Variants in BMP3 observed in about 807,000 individuals in gnomAD.
BMP3 encodes the protein bone morphogenetic protein 3, also known as bone morphogenetic protein 3 (osteogenic).
In BMP3, 23 loss-of-function variants were observed where a neutral mutation model predicts 38.1. The observed-to-expected ratio is 0.60, with a 90% CI of 0.43 to 0.86. The LOEUF (loss-of-function observed/expected upper bound fraction) is 0.86, where lower values mean the gene tolerates loss of function less well. Among genes scored for constraint, BMP3 ranks in the 40% least tolerant of loss-of-function variants. The pLI is 0.00. For synonymous variants in BMP3, 258 were observed against 225.7 expected, an observed-to-expected ratio of 1.14 and a Z score of -1.28; for missense variants, 628 against 579.6, an observed-to-expected ratio of 1.08 and a Z score of -0.86.
At chr4:81,049,938 C>G (rs370083406) in intron 2 of BMP3, among the ~76,000 whole-genome samples, 4 of 152,132 alleles carry the variant, frequency 2.6e-5, no homozygotes, top group Non-Finnish European at 4.4e-5. Context: ...CTTTGTTGGC[C>G]CTCCTTTCTT....
Position 81,045,753 on chromosome 4 carries a change from A to C in BMP3, c.332A>C (p.Lys111Thr), listed in dbSNP as rs200760770. 2.0e-5 allele frequency: 32 copies of C among 1,592,694 alleles called. No homozygotes were observed. Among genetic ancestry groups the C allele is most frequent in the Middle Eastern group, 1.7e-4 (1 of 5,958 alleles). ...TCCTTCCTAGAAACTCTTGAAAGAAAAGGACTGTATATCTTCAATCTGACA... is the reference window on the plus strand; with the variant it reads ...TCCTTCCTAGAAACTCTTGAAAGAACAGGACTGTATATCTTCAATCTGACA... ...RAAAAETLER[K>T]GLYIFNLTSL... The change falls in exon 2 of 3, where the codon AAA becomes ACA. Residue 111 changes from lysine (K) to threonine (T), a missense_variant. Lys to Thr is a moderately conservative substitution (Grantham distance 78). Coordinates refer to ENST00000282701, the MANE Select transcript of BMP3 (RefSeq NM_001201.5).
At chr4:81,040,322 G>C (rs1740035762) in intron 1 of BMP3, among the ~76,000 whole-genome samples, 1 of 152,148 alleles carries the variant, frequency 6.6e-6, no homozygotes, top group Non-Finnish European at 1.5e-5. Flanking sequence ...TTACTTGCAA[G>C]GGATGAGACG....
At chr4:81,045,676 G>T in intron 1 of BMP3, 62 bp from the exon 2 acceptor site, 3 of 1,346,826 alleles carry the variant, frequency 2.2e-6, no homozygotes, top group Non-Finnish European at 2.0e-6. Context: ...TGAGTTAATT[G>T]TCATATAGTG....
At position 81,046,300 on chromosome 4, in the gene BMP3, C is replaced by A; in HGVS notation, c.879C>A (p.Val293=). The change falls in exon 2 of 3, where the codon GTC becomes GTA. Residue 293 remains valine, a synonymous_variant. Coordinates refer to ENST00000282701, the MANE Select transcript of BMP3 (RefSeq NM_001201.5). ...GGAGGAAGAAGCGCTCTACTGGGGT[C>A]TTGCTGCCTCTGCAGAACAACGAGC... ...IERRKKRSTG[V]LLPLQNNELP... is the part of the protein sequence containing the mutation. The A allele has an allele frequency of 6.2e-7, 1 of 1,614,066 alleles. No individual in the cohort carries two copies. Among genetic ancestry groups the A allele is most frequent in the African/African-American group, 1.3e-5 (1 of 75,026 alleles).
rs1261059700 is a variant in BMP3 at position 81,031,314 on chromosome 4, G to T, written c.30G>T (p.Leu10=). MAGASRLLF[L]WLGCFCVSLA... ...CTGGGGCGAGCAGGCTGCTCTTTCTGTGGCTGGGCTGCTTCTGCGTGAGCC... is the reference window on the plus strand; with the variant it reads ...CTGGGGCGAGCAGGCTGCTCTTTCTTTGGCTGGGCTGCTTCTGCGTGAGCC... Residue 10 remains leucine (L), a synonymous_variant, in exon 1 of 3, where the codon CTG becomes CTT. Coordinates refer to ENST00000282701, the MANE Select transcript of BMP3 (RefSeq NM_001201.5). 1.9e-5 allele frequency: 31 copies of T among 1,609,320 alleles called. No individual in the cohort carries two copies. Among genetic ancestry groups the T allele is most frequent in the Non-Finnish European group, 2.6e-5 (31 of 1,178,374 alleles).
rs1739751174 is a variant in BMP3 at position 81,031,278 on chromosome 4, C to T, written c.-7C>T. On this transcript the variant is annotated 5_prime_UTR_variant, in exon 1 of 3. Coordinates refer to ENST00000282701, the MANE Select transcript of BMP3 (RefSeq NM_001201.5). Reference sequence around the variant, plus strand: ...CGGGAGCCGACGCGCCGCGCGGGTACCTAGCCATGGCTGGGGCGAGCAGGC... The same window carrying T: ...CGGGAGCCGACGCGCCGCGCGGGTATCTAGCCATGGCTGGGGCGAGCAGGC... 1.9e-6 allele frequency: 3 copies of T among 1,588,788 alleles called. No individual in the cohort carries two copies. Among genetic ancestry groups the T allele is most frequent in the African/African-American group, 2.7e-5 (2 of 74,476 alleles).
intron 1 of BMP3, among the ~76,000 whole-genome samples, chr4:81,044,803 T>C (rs1056911013): frequency 6.6e-6 from 1 of 152,210 alleles, no homozygotes; most frequent in African/African-American, 2.4e-5. Flanking sequence ...TGTCAGTACT[T>C]CATTCTTTTT....
chr4:81,042,832 C>T (rs1218358386), intron 1 of BMP3, among the ~76,000 whole-genome samples: 1 of 152,160 alleles, frequency 6.6e-6, no homozygotes, highest in Non-Finnish European at 1.5e-5. Flanking sequence ...CTTTAAACTT[C>T]TAGCTACTAC....
At chr4:81,036,487 A>C (rs924417191) in intron 1 of BMP3, among the ~76,000 whole-genome samples, 2 of 152,046 alleles carry the variant, frequency 1.3e-5, no homozygotes, top group Admixed American at 6.5e-5. Flanking sequence ...ATTCTCCCAT[A>C]TGCTAAATTT....
chr4:81,046,347 A>G lies in BMP3; in HGVS notation c.926A>G (p.Tyr309Cys), dbSNP rs1309390282. 4 of 1,614,084 alleles carry G rather than the reference A, an allele frequency of 2.5e-6. No individual in the cohort carries two copies. Among genetic ancestry groups the G allele is most frequent in the Non-Finnish European group, 3.4e-6 (4 of 1,180,016 alleles). ...NNELPGAEYQ[Y>C]KKDEVWEERK... is the part of the protein sequence containing the mutation. ...GAGCTTCCTGGGGCAGAATACCAGT[A>G]TAAAAAGGATGAGGTGTGGGAGGAG... The change falls in exon 2 of 3, where the codon TAT becomes TGT. Residue 309 changes from tyrosine (Y) to cysteine (C), a missense_variant. Coordinates refer to ENST00000282701, the MANE Select transcript of BMP3 (RefSeq NM_001201.5).
chr4:81,031,088 A>G lies in BMP3; in HGVS notation c.-197A>G, dbSNP rs1395255659. 3.4e-6 allele frequency: 2 copies of G among 593,000 alleles called. No individual in the cohort carries two copies. The highest frequency in any genetic ancestry group is 6.2e-5 in the East Asian group (2 of 32,162). 36.7% of individuals were successfully genotyped at this position (593,000 alleles called of 1,614,324 possible). A position where few individuals can be genotyped will look rare whatever the true frequency, so the allele number is the denominator to read the frequency against. On this transcript the variant is annotated 5_prime_UTR_variant, in exon 1 of 3. Coordinates refer to ENST00000282701, the MANE Select transcript of BMP3 (RefSeq NM_001201.5). Reference sequence around the variant, plus strand: ...CCGCGCAGCTGCTGGGGAAGAGCCCACCTGTCAGGCTGCGCTGGGTCAGCG... The same window carrying G: ...CCGCGCAGCTGCTGGGGAAGAGCCCGCCTGTCAGGCTGCGCTGGGTCAGCG...
rs1457417138 is a variant in BMP3, at chr4:81,031,051, C to A, written c.-234C>A. 1.9e-5 allele frequency: 10 copies of A among 527,276 alleles called. No homozygotes were observed. The highest frequency in any genetic ancestry group is 3.3e-5 in the Non-Finnish European group (10 of 304,464). The allele number at this position is 527,276 out of a possible 1,614,324, so 32.7% of individuals were successfully genotyped here. A position where few individuals can be genotyped will look rare whatever the true frequency, so the allele number is the denominator to read the frequency against. On this transcript the variant is annotated 5_prime_UTR_variant, in exon 1 of 3. Transcript: ENST00000282701. ...TGGAGACGGCGCCCGCAGCGCCCTG[C>A]GCGGGTGAGGTCCGCGCAGCTGCTG...
chr4:81,036,949 A>G (rs1739940031), intron 1 of BMP3, among the ~76,000 whole-genome samples: 1 of 151,978 alleles, frequency 6.6e-6, no homozygotes, highest in African/African-American at 2.4e-5. Context: ...CATAGAATCA[A>G]ATGACCACGG....
At chr4:81,037,258 C>T (rs891403262) in intron 1 of BMP3, 2 of 154,854 alleles carry the variant, frequency 1.3e-5, no homozygotes, top group South Asian at 2.0e-4. Context: ...ATTTGCTTTT[C>T]CTTCAAAAAC....
intron 1 of BMP3, among the ~76,000 whole-genome samples, chr4:81,045,030 G>T (rs1444968181): frequency 6.6e-6 from 1 of 152,176 alleles, no homozygotes. Flanking sequence ...TTGAGGAACT[G>T]CCAAAGAGTA....
chr4:81,055,749 G>A lies in BMP3; in HGVS notation c.*2213G>A, dbSNP rs1263341449. ...CTTTCTTAATTTGAATCAATGCCTA[G>A]TTATTACAGATTGCACCCCACAATG... On this transcript the variant is annotated 3_prime_UTR_variant, in exon 3 of 3. Transcript: ENST00000282701. 6.6e-6 allele frequency: 1 copy of A among 151,972 alleles called. No homozygotes were observed. The highest frequency in any genetic ancestry group is 1.5e-5 in the Non-Finnish European group (1 of 68,010). The allele number at this position is 151,972 out of a possible 1,614,324, so 9.4% of individuals were successfully genotyped here. A position where few individuals can be genotyped will look rare whatever the true frequency, so the allele number is the denominator to read the frequency against.
intron 2 of BMP3, 47 bp downstream of exon 2, chr4:81,046,695 A>G: frequency 6.5e-7 from 1 of 1,539,818 alleles, no homozygotes; most frequent in South Asian, 1.3e-5. Context: ...TTCCATTAGT[A>G]GAAAGACACA....
intron 1 of BMP3, among the ~76,000 whole-genome samples, chr4:81,038,791 C>A (rs1173030626): frequency 6.6e-6 from 1 of 152,116 alleles, no homozygotes; most frequent in African/African-American, 2.4e-5. Context: ...TAACAAATAC[C>A]TTTTGGGACT....
chr4:81,031,578 C>A lies in BMP3; in HGVS notation c.294C>A (p.Arg98=). 1 of 1,604,408 alleles carries A rather than the reference C, an allele frequency of 6.2e-7. No individual in the cohort carries two copies. Among genetic ancestry groups the A allele is most frequent in the South Asian group, 1.1e-5 (1 of 89,684 alleles). The change falls in exon 1 of 3, where the codon CGC becomes CGA. Residue 98 remains arginine (R), a synonymous_variant. Transcript: ENST00000282701. ...TCCTGCGCGAAGGCAACACGGTTCG[C>A]AGCTTTCGGGCGGCAGCAGCAGGTG... ...PRLLREGNTV[R]SFRAAAAETL... is the part of the protein sequence containing the mutation.
Sources: allele counts gnomAD v4.1 joint callset (sites outside exome capture counted in the v4.1 genomes callset), GRCh38; gene constraint gnomAD v4.1.1; transcripts MANE v1.5; gene names NCBI Gene and HGNC (gene_info 2026-07-23, HGNC 2026-07-21).